Variants in PCNT observed in about 807,000 individuals in gnomAD.
PCNT encodes pericentrin.
A neutral mutation model predicts 380.4 loss-of-function variants in PCNT; 319 were observed. The observed-to-expected ratio is 0.84, with a 90% CI of 0.77 to 0.92. The LOEUF (loss-of-function observed/expected upper bound fraction) is 0.92. Among genes scored for constraint, PCNT ranks in the 40% least tolerant of loss-of-function variants. PCNT has a pLI of 0.00. For synonymous variants in PCNT, 1,845 were observed against 1,735.2 expected (o/e 1.06, Z -1.57); for missense variants, 4,400 against 4,255.3 (o/e 1.03, Z -0.95).
At position 46,354,677 on chromosome 21, in the gene PCNT, G is replaced by A. The variant is rs117096815; in HGVS notation, c.1761+609G>A. On this transcript the variant is annotated intron_variant, in intron 11 of 46. Transcript: ENST00000359568. ...GGCAGCACCGCGTGGCTTGTTGCAC[G>A]GTGGAACCAGTGGAGGGGAACTCGG... 2.0e-4 allele frequency among the ~76,000 whole-genome samples: 31 copies of A among 152,274 alleles called. 1 individual carries two copies. The East Asian group carries it at 6.0e-3, about 30-fold the overall frequency.
At chr21:46,364,152 C>A (rs1401657925) in intron 14 of PCNT, among the ~76,000 whole-genome samples, 1 of 151,944 alleles carries the variant, frequency 6.6e-6, no homozygotes, top group Non-Finnish European at 1.5e-5. Context: ...TCCTGAAGCC[C>A]CCTGGCCGCA....
rs188277091 is a variant in PCNT at position 46,368,085 on chromosome 21, G to T, written c.3165+946G>T. ...CAGGAGGATTGCTTGAGCCCAGGAAGTCGAGGCTGCAGGGTGAGCTAAGAC... is the reference window on the plus strand; with the variant it reads ...CAGGAGGATTGCTTGAGCCCAGGAATTCGAGGCTGCAGGGTGAGCTAAGAC... On this transcript the variant is annotated intron_variant, in intron 15 of 46. Coordinates refer to ENST00000359568, the MANE Select transcript of PCNT (RefSeq NM_006031.6). 8.5e-5 allele frequency among the ~76,000 whole-genome samples: 13 copies of T among 152,284 alleles called. No homozygotes were observed. In the East Asian group the frequency reaches 2.3e-3, roughly 27 times the overall value.
intron 29 of PCNT, among the ~76,000 whole-genome samples, chr21:46,414,200 C>T (rs1173663727): frequency 6.6e-6 from 1 of 152,162 alleles, no homozygotes; most frequent in Non-Finnish European, 1.5e-5. Flanking sequence ...CCATGTTGGC[C>T]AGGCTGGTCT....
At chr21:46,353,380 C>T in intron 10 of PCNT, 54 bp downstream of exon 10, 1 of 1,442,758 alleles carries the variant, frequency 6.9e-7, no homozygotes, top group South Asian at 1.1e-5. Context: ...GGGCCAGGCT[C>T]TGAGTTCAGG....
intron 6 of PCNT, among the ~76,000 whole-genome samples, 159 bp from the exon 7 acceptor site, chr21:46,348,853 T>A (rs562223076): frequency 6.6e-6 from 1 of 152,208 alleles, no homozygotes; most frequent in East Asian, 1.9e-4. Context: ...CCCTAACTCC[T>A]GGGCTCAGGC....
At position 46,363,430 on chromosome 21, in the gene PCNT, A is replaced by C. The variant is rs1466694168; in HGVS notation, c.2155-50A>C. 5 of 1,473,824 alleles carry C rather than the reference A, an allele frequency of 3.4e-6. No individual in the cohort carries two copies. The Admixed American group carries it at 8.4e-5, about 25-fold the overall frequency. 91.3% of individuals were successfully genotyped at this position (1,473,824 alleles called of 1,614,324 possible). ...TGGGTTTGGGTTGTCTCTTCTAATA[A>C]TCTCTTCCATTAGCGTCTTTCCTCC... On this transcript the variant is annotated intron_variant, in intron 13 of 46. Coordinates refer to ENST00000359568, the MANE Select transcript of PCNT (RefSeq NM_006031.6).
At chr21:46,385,497 T>A (rs773694946) in intron 16 of PCNT, among the ~76,000 whole-genome samples, 41 of 152,218 alleles carry the variant, frequency 2.7e-4, no homozygotes, top group Non-Finnish European at 4.6e-4. Context: ...CACCTGGGGA[T>A]GTTTGTGTAT....
chr21:46,395,405 GCAGAGAC>G (rs1393450766), intron 21 of PCNT, among the ~76,000 whole-genome samples: 1 of 151,478 alleles, frequency 6.6e-6, no homozygotes, highest in East Asian at 1.9e-4. Context: ...GGACTCAGCA[GCAGAGAC>G]TCCATCTCAG....
In PCNT at chr21:46,440,844, T is replaced by A. The variant is rs768723496; in HGVS notation, c.9394-11T>A. 3 of 1,554,306 alleles carry A rather than the reference T, an allele frequency of 1.9e-6. No homozygotes were observed. The highest frequency in any genetic ancestry group is 2.7e-6 in the Non-Finnish European group (3 of 1,125,692). On this transcript the variant is annotated splice_polypyrimidine_tract_variant and intron_variant, in intron 42 of 46. Coordinates refer to ENST00000359568, the MANE Select transcript of PCNT (RefSeq NM_006031.6). ...TCCTATGATAAAATTTTACTGCTTT[T>A]TTTCTTTTAGATGGAAAAATTGTAC...
chr21:46,351,793 C>A (rs564082170), intron 9 of PCNT, among the ~76,000 whole-genome samples: 8 of 152,340 alleles, frequency 5.3e-5, no homozygotes, highest in African/African-American at 1.9e-4. Context: ...CCAAGAGCAA[C>A]ACTTGCAGGG....
intron 2 of PCNT, among the ~76,000 whole-genome samples, chr21:46,333,705 A>T (rs2083631076): frequency 6.6e-6 from 1 of 150,970 alleles, no homozygotes; most frequent in African/African-American, 2.4e-5. Flanking sequence ...GTTCAAGACC[A>T]GTCTGGCCAA....
At chr21:46,342,142 T>C (rs1188555868) in intron 3 of PCNT, among the ~76,000 whole-genome samples, 1 of 152,092 alleles carries the variant, frequency 6.6e-6, no homozygotes, top group Admixed American at 6.6e-5. Context: ...GGTTTTGCCA[T>C]GTTGGCCAGG....
In PCNT at chr21:46,390,748, A is replaced by C. The variant is rs764580458; in HGVS notation, c.3919A>C (p.Arg1307=). 1.9e-6 allele frequency: 3 copies of C among 1,613,564 alleles called. No individual in the cohort carries two copies. The South Asian group carries it at 3.3e-5, about 18-fold the overall frequency. The change falls in exon 20 of 47, where the codon AGG becomes CGG. Residue 1307 remains arginine (R), a synonymous_variant. Coordinates refer to ENST00000359568, the MANE Select transcript of PCNT (RefSeq NM_006031.6). The part of the protein sequence containing the change: ...FKNEETAQVV[R]KHQELLECLK... The stretch of plus-strand genomic sequence containing the variant: ...GAATGAGGAGACAGCACAGGTTGTC[A>C]GGAAGCACCAGGAGCTGCTGGAGTG...
chr21:46,438,273 G>A lies in PCNT; in HGVS notation c.9209G>A (p.Ser3070Asn). 6.2e-7 allele frequency: 1 copy of A among 1,614,238 alleles called. No individual in the cohort carries two copies. Among genetic ancestry groups the A allele is most frequent in the Non-Finnish European group, 8.5e-7 (1 of 1,180,036 alleles). ...STVTQEKLELSRAVSKLEKLL... is the reference protein window; with the variant it reads ...STVTQEKLELNRAVSKLEKLL... ...GTGACCCAGGAGAAGCTGGAGCTGA[G>A]CAGAGCCGTGTCTAAGCTTGAGAAG... Residue 3070 changes from serine (S) to asparagine (N), a missense_variant, in exon 41 of 47, where the codon AGC (serine) becomes AAC (asparagine). Coordinates refer to ENST00000359568, the MANE Select transcript of PCNT (RefSeq NM_006031.6).
Position 46,440,139 on chromosome 21 carries a change from G to A in PCNT, c.9330G>A (p.Arg3110=). 2 of 1,614,144 alleles carry A rather than the reference G, an allele frequency of 1.2e-6. No individual in the cohort carries two copies. The highest frequency in any genetic ancestry group is 2.2e-5 in the East Asian group (1 of 44,888). ...PDETAPQSSL[R]RPDPGRLPPA... ...AAACGGCTCCACAGAGTTCCCTGAGGCGCCCAGACCCCGGCCGGCTTCCAC... is the reference window on the plus strand; with the variant it reads ...AAACGGCTCCACAGAGTTCCCTGAGACGCCCAGACCCCGGCCGGCTTCCAC... Residue 3110 remains arginine, a synonymous_variant, in exon 42 of 47, where the codon AGG becomes AGA. Transcript: ENST00000359568.
intron 3 of PCNT, among the ~76,000 whole-genome samples, chr21:46,336,445 G>A (rs188604645): frequency 1.1e-4 from 17 of 152,324 alleles, no homozygotes; most frequent in African/African-American, 3.8e-4. Context: ...TGCCATCACA[G>A]CTTAGTGTAG....
chr21:46,363,074 C>G (rs2084776087), intron 13 of PCNT, among the ~76,000 whole-genome samples: 1 of 152,166 alleles, frequency 6.6e-6, no homozygotes, highest in Admixed American at 6.5e-5. Flanking sequence ...CTGCAGTGGC[C>G]CAGCGCTATC....
Position 46,360,213 on chromosome 21 carries a change from AT to A in PCNT, c.2154+3048del, listed in dbSNP as rs71318070. Among the ~76,000 whole-genome samples the A allele has an allele frequency of 1.2e-3, 102 of 82,468 alleles. 1 individual carries two copies. Among genetic ancestry groups the A allele is most frequent in the Middle Eastern group, 0.014 (1 of 72 alleles). The allele number at this position is 82,468 out of a possible 152,430, so 54.1% of individuals were successfully genotyped here. On this transcript the variant is annotated intron_variant, in intron 13 of 46. Coordinates refer to ENST00000359568, the MANE Select transcript of PCNT (RefSeq NM_006031.6). Reference sequence around the variant, plus strand: ...TTATGTGGACAGCATATAGTTGGCAATTTTTTTTTTTTTTTTTTTTTTTTTT... The same window carrying A: ...TTATGTGGACAGCATATAGTTGGCAATTTTTTTTTTTTTTTTTTTTTTTTT...
chr21:46,401,485 A>C (rs1192214174), intron 25 of PCNT, 66 bp from the exon 26 acceptor site: 12 of 1,279,980 alleles, frequency 9.4e-6, no homozygotes, highest in Non-Finnish European at 1.4e-5. Context: ...GTGCTTTAAC[A>C]GGCAGCAGTT....
Sources: gnomAD v4.1 joint callset for allele counts (sites outside exome capture counted in the v4.1 genomes callset) on GRCh38, gnomAD v4.1.1 for gene constraint, MANE v1.5 for transcripts, NCBI Gene and HGNC (gene_info 2026-07-23, HGNC 2026-07-21) for gene names.